UNC5B: variants seen among roughly 807,000 people sequenced by gnomAD.
The protein encoded by UNC5B is netrin receptor UNC5B.
A neutral mutation model predicts 103.7 loss-of-function variants in UNC5B; 56 were observed. That is an observed-to-expected ratio of 0.54 (90% CI 0.44 to 0.67). UNC5B has a LOEUF of 0.67. Among genes scored for constraint, UNC5B ranks in the 30% least tolerant of loss-of-function variants. UNC5B has a pLI of 0.00. For missense variants in UNC5B, 1,194 were observed against 1,284.5 expected, an observed-to-expected ratio of 0.93 and a Z score of 1.08; for synonymous variants, 577 against 542.0, an observed-to-expected ratio of 1.06 and a Z score of -0.90.
intron 1 of UNC5B, among the ~76,000 whole-genome samples, chr10:71,216,314 G>A (rs1433819878): frequency 6.6e-6 from 1 of 152,216 alleles, no homozygotes; most frequent in East Asian, 1.9e-4. Context: ...TCGCTTTGAT[G>A]GCTGCTTTAG....
At chr10:71,278,173 TAA>T (rs1029735514) in intron 1 of UNC5B, among the ~76,000 whole-genome samples, 8 of 152,208 alleles carry the variant, frequency 5.3e-5, no homozygotes, top group African/African-American at 1.9e-4. Flanking sequence ...CAGAATTCGA[TAA>T]GTTAACAACT....
rs565387385 is a variant in UNC5B at position 71,265,477 on chromosome 10, G to A, written c.80-14344G>A. On this transcript the variant is annotated intron_variant, in intron 1 of 16. Transcript: ENST00000335350. ...AGCTTATGATGCCAACCAAAGAGACGCGTGAACTAAGAACTTTTCTCCGCC... is the reference window on the plus strand; with the variant it reads ...AGCTTATGATGCCAACCAAAGAGACACGTGAACTAAGAACTTTTCTCCGCC... Among the ~76,000 whole-genome samples, 7 of 152,302 alleles carry A rather than the reference G, an allele frequency of 4.6e-5. 1 individual carries two copies. The East Asian group carries it at 7.7e-4, about 17-fold the overall frequency.
At chr10:71,285,802 C>A (rs913933040) in intron 4 of UNC5B, among the ~76,000 whole-genome samples, 25 of 152,172 alleles carry the variant, frequency 1.6e-4, no homozygotes, top group African/African-American at 6.0e-4. Context: ...TGTGTTCTCC[C>A]CCACGAGCTG....
chr10:71,277,055 C>T lies in UNC5B; in HGVS notation c.80-2766C>T, dbSNP rs190145408. 5.9e-5 allele frequency among the ~76,000 whole-genome samples: 9 copies of T among 152,352 alleles called. No homozygotes were observed. In the East Asian group the frequency reaches 1.7e-3, roughly 29 times the overall value. ...AGTAGGGCGGTGGGGCTGCCAGACG[C>T]AGGGCCTGCTGCACTAATGGATGTC... is the stretch of plus-strand genomic sequence containing the variant. On this transcript the variant is annotated intron_variant, in intron 1 of 16. Transcript: ENST00000335350.
At chr10:71,271,850 G>A (rs549002179) in intron 1 of UNC5B, among the ~76,000 whole-genome samples, 8 of 152,336 alleles carry the variant, frequency 5.3e-5, no homozygotes, top group Admixed American at 2.6e-4. Flanking sequence ...TCAGGGCACA[G>A]ATGGGTGCAG....
At chr10:71,270,432 G>A (rs555708908) in intron 1 of UNC5B, among the ~76,000 whole-genome samples, 1 of 152,146 alleles carries the variant, frequency 6.6e-6, no homozygotes, top group South Asian at 2.1e-4. Context: ...AGGGTTCTGG[G>A]TAGCTTAGGA....
chr10:71,288,762 G>A lies in UNC5B; in HGVS notation c.1066+30G>A, dbSNP rs372965780. The A allele has an allele frequency of 7.0e-6, 11 of 1,580,900 alleles. No homozygotes were observed. In the African/African-American group the frequency reaches 1.3e-4, roughly 19 times the overall value. The stretch of plus-strand genomic sequence containing the variant: ...GTCACAGGGAAGGTGGGGCCCTGGG[G>A]GTGGGGACTCTGGAGCCATGTAAGG... On this transcript the variant is annotated intron_variant, in intron 7 of 16. Transcript: ENST00000335350.
In UNC5B at chr10:71,286,604, G is replaced by T. The variant is rs192438622; in HGVS notation, c.553-85G>T. The T allele has an allele frequency of 1.9e-5, 29 of 1,537,182 alleles. No homozygotes were observed. The South Asian group carries it at 3.4e-4, about 18-fold the overall frequency. On this transcript the variant is annotated intron_variant, in intron 4 of 16. Transcript: ENST00000335350. ...CCTGCCTCACTGCCACGACTATGGC[G>T]TGGACCCAGGTAGAACTGCCCTTCT...
Position 71,231,655 on chromosome 10 carries a change from T to C in UNC5B, c.79+18591T>C, listed in dbSNP as rs1346298679. Among the ~76,000 whole-genome samples the C allele has an allele frequency of 3.3e-5, 5 of 152,278 alleles. No homozygotes were observed. The East Asian group carries it at 9.6e-4, about 29-fold the overall frequency. ...TACGTAAAAATCTTAAGAGTTTTTT[T>C]TTTTTAATGCACATGCCTGGCCTTT... On this transcript the variant is annotated intron_variant, in intron 1 of 16. Coordinates refer to ENST00000335350, the MANE Select transcript of UNC5B (RefSeq NM_170744.5).
chr10:71,297,097 C>T (rs1003799365), intron 15 of UNC5B, among the ~76,000 whole-genome samples: 3 of 151,906 alleles, frequency 2.0e-5, no homozygotes, highest in Admixed American at 6.6e-5. Flanking sequence ...GAGGTGAGGG[C>T]CAGAGGATAC....
At chr10:71,222,532 AT>A (rs1843473529) in intron 1 of UNC5B, among the ~76,000 whole-genome samples, 1 of 149,086 alleles carries the variant, frequency 6.7e-6, no homozygotes, top group African/African-American at 2.5e-5. Flanking sequence ...CCACCCCCCG[AT>A]TTGGCTGACC....
At chr10:71,272,573 G>A (rs778630978) in intron 1 of UNC5B, among the ~76,000 whole-genome samples, 6 of 152,310 alleles carry the variant, frequency 3.9e-5, no homozygotes, top group Non-Finnish European at 7.4e-5. Context: ...CAACCCTGCC[G>A]TGGCTGTGCT....
At chr10:71,284,970 T>G in intron 3 of UNC5B, 107 bp downstream of exon 3, 1 of 1,466,450 alleles carries the variant, frequency 6.8e-7, no homozygotes, top group Non-Finnish European at 9.1e-7. Flanking sequence ...CATCCCTGGC[T>G]GAGGATGCCC....
At chr10:71,295,374 C>T (rs1449996226) in intron 13 of UNC5B, among the ~76,000 whole-genome samples, 1 of 152,234 alleles carries the variant, frequency 6.6e-6, no homozygotes, top group Non-Finnish European at 1.5e-5. Flanking sequence ...GTTCATCCAT[C>T]CATCTGTCTT....
chr10:71,230,948 G>C (rs1843669689), intron 1 of UNC5B, among the ~76,000 whole-genome samples: 1 of 152,210 alleles, frequency 6.6e-6, no homozygotes, highest in South Asian at 2.1e-4. Context: ...TGGGGGTAAA[G>C]ACAATGGGCT....
chr10:71,221,488 G>A (rs1043916076), intron 1 of UNC5B, among the ~76,000 whole-genome samples: 1 of 152,184 alleles, frequency 6.6e-6, no homozygotes, highest in Admixed American at 6.5e-5. Context: ...CTCCATGTAG[G>A]GTATCAGAAC....
At position 71,213,098 on chromosome 10, in the gene UNC5B, AG is replaced by A; in HGVS notation, c.79+38del. Reference sequence around the variant, plus strand: ...CGATCGGGTCTGGGGGCGCGGGGCTAGGGGACCCTTGCGCCTCACTCTGTCC... The same window carrying A: ...CGATCGGGTCTGGGGGCGCGGGGCTAGGGACCCTTGCGCCTCACTCTGTCC... On this transcript the variant is annotated intron_variant, in intron 1 of 16. Coordinates refer to ENST00000335350, the MANE Select transcript of UNC5B (RefSeq NM_170744.5). This position sits in a 1 kb window ranked among gnomAD's most constrained non-coding sequence, Gnocchi z 4.1. The A allele has an allele frequency of 1.6e-6, 2 of 1,268,550 alleles. No homozygotes were observed. Among genetic ancestry groups the A allele is most frequent in the Non-Finnish European group, 2.0e-6 (2 of 999,872 alleles). The allele number at this position is 1,268,550 out of a possible 1,614,324, so 78.6% of individuals were successfully genotyped here.
At chr10:71,253,438 C>T (rs1844221163) in intron 1 of UNC5B, among the ~76,000 whole-genome samples, 1 of 152,242 alleles carries the variant, frequency 6.6e-6, no homozygotes. Flanking sequence ...TTTCCACCTT[C>T]TCCTCGTCCA....
intron 1 of UNC5B, among the ~76,000 whole-genome samples, chr10:71,275,017 A>G (rs1189138790): frequency 2.0e-5 from 3 of 151,872 alleles, no homozygotes; most frequent in Admixed American, 6.6e-5. Context: ...ACAGACAGAA[A>G]CTCCAGGGCC....
Sources: gnomAD v4.1 joint callset for allele counts (sites outside exome capture counted in the v4.1 genomes callset) on GRCh38, gnomAD v4.1.1 for gene constraint, Gnocchi (gnomAD v3.1) non-coding constraint, MANE v1.5 for transcripts, NCBI Gene and HGNC (gene_info 2026-07-23, HGNC 2026-07-21) for gene names.